Variants in MAPKAPK5 observed in about 807,000 individuals in gnomAD.
MAPKAPK5 encodes MAPK activated protein kinase 5.
In MAPKAPK5, 30 loss-of-function variants were observed where a neutral mutation model predicts 65.1. That is an observed-to-expected ratio of 0.46 (90% CI 0.34 to 0.63). The LOEUF is 0.63. Among genes scored for constraint, MAPKAPK5 ranks in the 20% least tolerant of loss-of-function variants. The pLI is 0.01. For missense variants in MAPKAPK5, 433 were observed against 581.4 expected (o/e 0.74, Z 2.63); for synonymous variants, 179 against 204.6 (o/e 0.87, Z 1.07).
Position 111,866,227 on chromosome 12 carries a change from A to T in MAPKAPK5, c.182A>T (p.Asn61Ile). The T allele has an allele frequency of 6.2e-7, 1 of 1,610,870 alleles. No individual in the cohort carries two copies. The highest frequency in any genetic ancestry group is 8.5e-7 in the Non-Finnish European group (1 of 1,178,436). Residue 61 changes from asparagine to isoleucine, a missense_variant, in exon 3 of 14, where the codon AAT (asparagine) becomes ATT (isoleucine). By Grantham distance (149) the Asn-to-Ile change is moderately radical (BLOSUM62 -3). This residue lies in a region of MAPKAPK5 where 165 missense variants were observed against 180.0 expected (regional missense o/e 0.92). Coordinates refer to ENST00000550735, the MANE Select transcript of MAPKAPK5 (RefSeq NM_003668.4). ...KILLDRPKARNEVRLHMMCAT... is the reference protein window; with the variant it reads ...KILLDRPKARIEVRLHMMCAT... ...CTTCTTGATCGTCCAAAAGCTAGAAATGAGGTATGCTTTATTGCCTCGACT... is the reference window on the plus strand; with the variant it reads ...CTTCTTGATCGTCCAAAAGCTAGAATTGAGGTATGCTTTATTGCCTCGACT...
chr12:111,851,042 T>C (rs1821171952), intron 1 of MAPKAPK5, among the ~76,000 whole-genome samples: 1 of 151,324 alleles, frequency 6.6e-6, no homozygotes, highest in Admixed American at 6.6e-5. Context: ...GGGATTATAG[T>C]TGCCTGCCAC....
At chr12:111,881,895 G>T (rs1465082232) in intron 8 of MAPKAPK5, among the ~76,000 whole-genome samples, 2 of 152,170 alleles carry the variant, frequency 1.3e-5, no homozygotes, top group African/African-American at 4.8e-5. Flanking sequence ...CTCTTAATCT[G>T]TGTAACATTG....
intron 11 of MAPKAPK5, 130 bp from the exon 12 acceptor site, chr12:111,888,755 T>C (rs987982633): frequency 6.7e-7 from 1 of 1,502,554 alleles, no homozygotes. Context: ...GTTCTTTAAA[T>C]AGTATCAGGA....
intron 7 of MAPKAPK5, among the ~76,000 whole-genome samples, chr12:111,873,326 G>T (rs1207133549): frequency 6.6e-6 from 1 of 151,904 alleles, no homozygotes; most frequent in Non-Finnish European, 1.5e-5. Context: ...TCATTGAATT[G>T]CAGTTTTTTG....
At chr12:111,885,751 C>T in intron 9 of MAPKAPK5, 165 bp from the exon 10 acceptor site, 1 of 751,432 alleles carries the variant, frequency 1.3e-6, no homozygotes, top group Non-Finnish European at 2.1e-6. Context: ...CATAGTACCC[C>T]TACAAGTGGT....
chr12:111,871,091 C>T lies in MAPKAPK5; in HGVS notation c.490C>T (p.Pro164Ser). The T allele has an allele frequency of 6.2e-7, 1 of 1,612,766 alleles. No individual in the cohort carries two copies. Among genetic ancestry groups the T allele is most frequent in the Non-Finnish European group, 8.5e-7 (1 of 1,179,344 alleles). Residue 164 changes from proline (P) to serine (S), a missense_variant, in exon 7 of 14, where the codon CCA becomes TCA. Physicochemically the swap from Pro to Ser is moderately conservative, Grantham distance 74. Transcript: ENST00000550735. ...CTTTTTTTTTTAATTTCAGGATGCCCCAGTGAAGTTGTGTGACTTTGGATT... is the reference window on the plus strand; with the variant it reads ...CTTTTTTTTTTAATTTCAGGATGCCTCAGTGAAGTTGTGTGACTTTGGATT... ...LLFKDNSLDA[P>S]VKLCDFGFAK...
Position 111,894,522 on chromosome 12 carries a change from A to C in MAPKAPK5, c.*1461A>C, listed in dbSNP as rs1757445464. ...TTAATTGAAGTGGGACTATTGGATT[A>C]TCATGTAAGATGATCCAGTTTTGGT... On this transcript the variant is annotated 3_prime_UTR_variant, in exon 14 of 14. Transcript: ENST00000550735. 6.7e-6 allele frequency: 1 copy of C among 150,016 alleles called. No individual in the cohort carries two copies. Among genetic ancestry groups the C allele is most frequent in the African/African-American group, 2.4e-5 (1 of 40,954 alleles). 9.3% of individuals were successfully genotyped at this position (150,016 alleles called of 1,614,324 possible).
intron 7 of MAPKAPK5, chr12:111,880,068 A>G: frequency 3.7e-6 from 1 of 269,636 alleles, no homozygotes; most frequent in Non-Finnish European, 7.3e-6. Flanking sequence ...ACCTAGACTG[A>G]CATGACTGTC....
chr12:111,900,633 C>G lies in MAPKAPK5; in HGVS notation c.*7572C>G, dbSNP rs188001724. 2.2e-6 allele frequency: 1 copy of G among 455,976 alleles called. No individual in the cohort carries two copies. The highest frequency in any genetic ancestry group is 4.4e-6 in the Non-Finnish European group (1 of 226,804). 28.2% of individuals were successfully genotyped at this position (455,976 alleles called of 1,614,324 possible). On this transcript the variant is annotated 3_prime_UTR_variant, in exon 14 of 14. Transcript: ENST00000550735. ...TGACTGTGGTTCTCTATGTCAGCAT[C>G]ATGCATGCTGTGATGAAAACTGTAT...
At chr12:111,869,110 C>T (rs950602470) in intron 5 of MAPKAPK5, among the ~76,000 whole-genome samples, 1 of 144,578 alleles carries the variant, frequency 6.9e-6, no homozygotes, top group East Asian at 2.1e-4. Flanking sequence ...TCAATAAACT[C>T]TGGAAGGAAG....
At chr12:111,875,070 C>G (rs896813819) in intron 7 of MAPKAPK5, among the ~76,000 whole-genome samples, 2 of 152,306 alleles carry the variant, frequency 1.3e-5, no homozygotes, top group South Asian at 4.2e-4. Flanking sequence ...AGCCACTGCA[C>G]CCGGCCCATA....
chr12:111,856,395 C>CTTTTT (rs59520011), intron 1 of MAPKAPK5, among the ~76,000 whole-genome samples: 3 of 143,310 alleles, frequency 2.1e-5, no homozygotes, highest in Non-Finnish European at 3.0e-5. Flanking sequence ...TCTCCCTCTT[C>CTTTTT]TTTTTTTTTC....
intron 1 of MAPKAPK5, among the ~76,000 whole-genome samples, chr12:111,852,759 T>G (rs987655921): frequency 1.3e-5 from 2 of 152,098 alleles, no homozygotes; most frequent in Admixed American, 6.6e-5. Flanking sequence ...AATCTATAAA[T>G]CTTGCCTTTT....
intron 1 of MAPKAPK5, among the ~76,000 whole-genome samples, chr12:111,859,543 C>T (rs1287009280): frequency 6.6e-6 from 1 of 152,194 alleles, no homozygotes; most frequent in Non-Finnish European, 1.5e-5. Flanking sequence ...GGATTATAGG[C>T]GTGAGCCACT....
intron 1 of MAPKAPK5, 30 bp downstream of exon 1, chr12:111,842,799 CG>C (rs1318663891): frequency 7.6e-7 from 1 of 1,309,880 alleles, no homozygotes; most frequent in Non-Finnish European, 9.8e-7. Context: ...TCTTCCCCCG[CG>C]TTGTCCTGTG....
intron 5 of MAPKAPK5, among the ~76,000 whole-genome samples, chr12:111,869,623 A>C (rs924580615): frequency 5.3e-5 from 8 of 152,192 alleles, no homozygotes; most frequent in African/African-American, 1.9e-4. Flanking sequence ...TTGCTGAGAA[A>C]ATGCCATATG....
intron 7 of MAPKAPK5, among the ~76,000 whole-genome samples, chr12:111,871,732 G>T (rs1044446502): frequency 2.0e-5 from 3 of 152,190 alleles, no homozygotes; most frequent in African/African-American, 7.2e-5. Flanking sequence ...ACTTCAAGGA[G>T]AGTTTGATGA....
Position 111,885,953 on chromosome 12 carries a change from G to A in MAPKAPK5, c.886G>A (p.Glu296Lys), listed in dbSNP as rs771330462. ...CAAACCGGAGGAGAGACTCACCATC[G>A]AGGGAGTGCTGGACCACCCCTGGCT... ...KVKPEERLTI[E>K]GVLDHPWLNS... is the part of the protein sequence containing the mutation. The change falls in exon 10 of 14, where the codon GAG (glutamate) becomes AAG (lysine). Residue 296 changes from glutamate to lysine, a missense_variant. Glu to Lys is a moderately conservative substitution (Grantham distance 56). Transcript: ENST00000550735. 2.5e-6 allele frequency: 4 copies of A among 1,613,944 alleles called. No individual in the cohort carries two copies. The highest frequency in any genetic ancestry group is 3.4e-6 in the Non-Finnish European group (4 of 1,179,878).
chr12:111,883,562 T>C lies in MAPKAPK5; in HGVS notation c.661-19T>C, dbSNP rs766386129. On this transcript the variant is annotated intron_variant, in intron 8 of 13. Coordinates refer to ENST00000550735, the MANE Select transcript of MAPKAPK5 (RefSeq NM_003668.4). This position sits in a 1 kb window ranked among gnomAD's most constrained non-coding sequence, Gnocchi z 4.8. The stretch of plus-strand genomic sequence containing the variant: ...GCTCTGCTTCTGCTGTGAGTGACCA[T>C]TTTCTTTTTTGCTTTCAGAGCTGTG... The C allele has an allele frequency of 6.2e-7, 1 of 1,609,344 alleles. No individual in the cohort carries two copies. Among genetic ancestry groups the C allele is most frequent in the Non-Finnish European group, 8.5e-7 (1 of 1,177,482 alleles).
Sources: allele counts gnomAD v4.1 joint callset (sites outside exome capture counted in the v4.1 genomes callset), GRCh38; gene constraint gnomAD v4.1.1; regional missense constraint gnomAD v4.1.1; non-coding constraint Gnocchi (gnomAD v3.1); transcripts MANE v1.5; gene names NCBI Gene and HGNC (gene_info 2026-07-23, HGNC 2026-07-21).